LRRK2: variants seen among roughly 807,000 people sequenced by gnomAD.
LRRK2 encodes leucine-rich repeat serine/threonine-protein kinase 2.
A neutral mutation model predicts 302.6 loss-of-function variants in LRRK2; 203 were observed. That is an observed-to-expected ratio of 0.67 (90% CI 0.60 to 0.75). LRRK2 has a LOEUF of 0.75. Ranked by LOEUF, LRRK2 falls within the 30% of genes least tolerant of loss-of-function variation. The pLI is 0.00. For synonymous variants in LRRK2, 1,066 were observed against 1,031.9 expected (o/e 1.03, Z -0.63); for missense variants, 2,830 against 2,951.0 (o/e 0.96, Z 0.95).
intron 34 of LRRK2, 45 bp downstream of exon 34, chr12:40,320,220 A>G (rs1486737185): frequency 3.4e-6 from 5 of 1,459,468 alleles, no homozygotes; most frequent in South Asian, 1.2e-5. Context: ...GAAATTCACT[A>G]TCTATTCTTT....
At chr12:40,340,793 G>A (rs778869475) in intron 41 of LRRK2, among the ~76,000 whole-genome samples, 11 of 152,158 alleles carry the variant, frequency 7.2e-5, no homozygotes, top group Non-Finnish European at 1.3e-4. Flanking sequence ...GTTGGCACTT[G>A]TGAGGCAAAT....
chr12:40,240,531 T>C lies in LRRK2; in HGVS notation c.620T>C (p.Ile207Thr), dbSNP rs1458896948. 1.2e-6 allele frequency: 2 copies of C among 1,612,764 alleles called. No homozygotes were observed. The highest frequency in any genetic ancestry group is 2.2e-5 in the East Asian group (1 of 44,794). ...TEFVENKDYMILLSALTNFKD... is the reference protein window; with the variant it reads ...TEFVENKDYMTLLSALTNFKD... ...TTTGTTGAGAACAAAGATTATATGA[T>C]ATTGTTAAGTGCGTTAACAAATTTT... Residue 207 changes from isoleucine to threonine, a missense_variant, in exon 6 of 51, where the codon ATA (isoleucine) becomes ACA (threonine). Transcript: ENST00000298910.
chr12:40,291,350 G>A (rs1253972507), intron 20 of LRRK2, among the ~76,000 whole-genome samples: 1 of 151,522 alleles, frequency 6.6e-6, no homozygotes, highest in Non-Finnish European at 1.5e-5. Context: ...AATGGGTGCA[G>A]CACACCAGCA....
rs544911926 is a variant in LRRK2 at position 40,283,857 on chromosome 12, A to AT, written c.2242-10dup. The AT allele has an allele frequency of 1.8e-5, 29 of 1,599,230 alleles. 1 individual carries two copies. The highest frequency in any genetic ancestry group is 2.3e-5 in the Non-Finnish European group (27 of 1,170,414). On this transcript the variant is annotated splice_polypyrimidine_tract_variant and intron_variant, in intron 18 of 50. Transcript: ENST00000298910. ...AAAATGTAGATTTTTAATATACTTA[A>AT]TTTTTTTTCTTTAATAGGTATGTGA...
intron 11 of LRRK2, among the ~76,000 whole-genome samples, chr12:40,253,626 C>T (rs1942377442): frequency 6.6e-6 from 1 of 152,216 alleles, no homozygotes; most frequent in African/African-American, 2.4e-5. Context: ...AATCCATCTG[C>T]CTTGGCCTCC....
intron 47 of LRRK2, among the ~76,000 whole-genome samples, chr12:40,363,147 A>C (rs1946765326): frequency 6.6e-6 from 1 of 152,060 alleles, no homozygotes; most frequent in African/African-American, 2.4e-5. Context: ...GACCAAAGTA[A>C]ACATTGGACA....
Position 40,351,596 on chromosome 12 carries a change from C to A in LRRK2, c.6439C>A (p.Pro2147Thr), listed in dbSNP as rs1374031223. The change falls in exon 44 of 51, where the codon CCT becomes ACT. Residue 2147 changes from proline (P) to threonine (T), a missense_variant. Transcript: ENST00000298910. ...CTGTCTGACGAGACGCATTTTATTA[C>A]CTAAAAACGTAATTGTTGAATGCAT... ...LVCLTRRILL[P>T]KNVIVECMVA... The A allele has an allele frequency of 6.2e-7, 1 of 1,613,958 alleles. No homozygotes were observed. Among genetic ancestry groups the A allele is most frequent in the African/African-American group, 1.3e-5 (1 of 74,900 alleles).
At chr12:40,291,096 G>A (rs151171411) in intron 20 of LRRK2, among the ~76,000 whole-genome samples, 1,821 of 152,126 alleles carry the variant, frequency 0.012, 50 homozygotes, top group African/African-American at 0.039. Flanking sequence ...ATACTATGCA[G>A]CCATAAAAAA....
chr12:40,323,956 T>A (rs1945476400), intron 38 of LRRK2, among the ~76,000 whole-genome samples: 2 of 152,288 alleles, frequency 1.3e-5, no homozygotes, highest in Admixed American at 1.3e-4. Flanking sequence ...CATGTTTCAA[T>A]ATTCTCATTT....
At chr12:40,353,595 A>G (rs1946437001) in intron 44 of LRRK2, among the ~76,000 whole-genome samples, 1 of 152,128 alleles carries the variant, frequency 6.6e-6, no homozygotes, top group South Asian at 2.1e-4. Flanking sequence ...GGCCGGGCAG[A>G]GGCTGCAATC....
chr12:40,295,678 A>G, intron 23 of LRRK2, 34 bp downstream of exon 23: 1 of 1,580,016 alleles, frequency 6.3e-7, no homozygotes, highest in Non-Finnish European at 8.7e-7. Context: ...CTTTCAAGAC[A>G]TTTGAAGAGC....
chr12:40,290,238 G>A (rs1159124808), intron 20 of LRRK2, among the ~76,000 whole-genome samples: 14 of 151,908 alleles, frequency 9.2e-5, no homozygotes, highest in Admixed American at 9.2e-4. Flanking sequence ...ATTTTCTAAT[G>A]TTAAACCAAC....
At chr12:40,351,019 T>C (rs926222831) in intron 43 of LRRK2, among the ~76,000 whole-genome samples, 1 of 152,178 alleles carries the variant, frequency 6.6e-6, no homozygotes, top group Admixed American at 6.5e-5. Flanking sequence ...CAGGTGGCCA[T>C]GTCACAGCTC....
chr12:40,328,262 TCAAATTTACAACAGATATAATTA>T, intron 38 of LRRK2, 75 bp from the exon 39 acceptor site: 5 of 919,028 alleles, frequency 5.4e-6, no homozygotes, highest in Non-Finnish European at 8.7e-6. Context: ...AGGTTTCTAT[TCAAATTTACAACAGATATAATTA>T]CAACAGATAT....
intron 20 of LRRK2, among the ~76,000 whole-genome samples, chr12:40,290,208 A>G (rs1944087903): frequency 6.6e-6 from 1 of 152,040 alleles, no homozygotes; most frequent in African/African-American, 2.4e-5. Flanking sequence ...TTTTGTTAAT[A>G]TGGTCAAATA....
In LRRK2 at chr12:40,298,379, C is replaced by T; in HGVS notation, c.3233C>T (p.Pro1078Leu). 6.2e-7 allele frequency: 1 copy of T among 1,613,922 alleles called. No individual in the cohort carries two copies. The highest frequency in any genetic ancestry group is 8.5e-7 in the Non-Finnish European group (1 of 1,179,966). The stretch of plus-strand genomic sequence containing the variant: ...ATTGGACCCTCAGTGGTTTTAGATC[C>T]TACAGTGAAATGTCCAACTCTGAAA... ...NDIGPSVVLD[P>L]TVKCPTLKQF... is the part of the protein sequence containing the mutation. The change falls in exon 24 of 51, where the codon CCT (proline) becomes CTT (leucine). Residue 1078 changes from proline to leucine, a missense_variant. Physicochemically the swap from Pro to Leu is moderately conservative, Grantham distance 98. This residue lies in a region of LRRK2 where 2,121 missense variants were observed against 2,148.0 expected (regional missense o/e 0.99). Transcript: ENST00000298910.
At chr12:40,266,746 C>T (rs1943032727) in intron 14 of LRRK2, among the ~76,000 whole-genome samples, 2 of 152,126 alleles carry the variant, frequency 1.3e-5, no homozygotes, top group African/African-American at 4.8e-5. Flanking sequence ...AGACTTGGAA[C>T]CAACCCAAAT....
chr12:40,351,015 G>GC (rs779796557), intron 43 of LRRK2, among the ~76,000 whole-genome samples: 16 of 152,266 alleles, frequency 1.1e-4, no homozygotes, highest in Non-Finnish European at 2.1e-4. Flanking sequence ...CGGGCAGGTG[G>GC]CCATGTCACA....
chr12:40,347,371 G>T (rs972473405), intron 42 of LRRK2, among the ~76,000 whole-genome samples: 10 of 152,100 alleles, frequency 6.6e-5, no homozygotes, highest in African/African-American at 2.4e-4. Context: ...CATTTGGAAT[G>T]GTTGTCTCAT....
Sources: allele counts gnomAD v4.1 joint callset (sites outside exome capture counted in the v4.1 genomes callset), GRCh38; gene constraint gnomAD v4.1.1; regional missense constraint gnomAD v4.1.1; transcripts MANE v1.5; gene names NCBI Gene and HGNC (gene_info 2026-07-23, HGNC 2026-07-21).